CACNA1E: variants seen among roughly 807,000 people sequenced by gnomAD.
The protein encoded by CACNA1E is voltage-dependent R-type calcium channel subunit alpha-1E.
Under a neutral mutation model 259.2 loss-of-function variants are expected in CACNA1E, and 40 were observed. The observed-to-expected ratio is 0.15, with a 90% CI of 0.12 to 0.20. The LOEUF is 0.20. Ranked by LOEUF, CACNA1E falls within the 10% of genes least tolerant of loss-of-function variation. The pLI, the probability that CACNA1E is intolerant of heterozygous loss-of-function variation, is 1.00. For missense variants in CACNA1E, 1,874 were observed against 3,040.1 expected, an observed-to-expected ratio of 0.62 and a Z score of 9.02; for synonymous variants, 1,104 against 1,138.5, an observed-to-expected ratio of 0.97 and a Z score of 0.61.
At chr1:181,763,040 G>A (rs1658720747) in intron 33 of CACNA1E, among the ~76,000 whole-genome samples, 1 of 152,214 alleles carries the variant, frequency 6.6e-6, no homozygotes, top group South Asian at 2.1e-4. Context: ...GACTTGGAGA[G>A]CTCAGGGTAA....
At chr1:181,603,918 G>C (rs1653979801) in intron 6 of CACNA1E, among the ~76,000 whole-genome samples, 1 of 152,186 alleles carries the variant, frequency 6.6e-6, no homozygotes. Context: ...CTGCCGCCGA[G>C]CTGCTCACTT....
intron 32 of CACNA1E, among the ~76,000 whole-genome samples, chr1:181,761,862 A>G (rs1001951464): frequency 3.9e-5 from 6 of 152,168 alleles, no homozygotes. Flanking sequence ...CAGGCTCTTT[A>G]TATCTCCTTC....
intron 32 of CACNA1E, among the ~76,000 whole-genome samples, chr1:181,760,148 T>C (rs567866087): frequency 1.7e-3 from 260 of 152,380 alleles, no homozygotes; most frequent in African/African-American, 6.1e-3. Flanking sequence ...GTATGTGGTA[T>C]TGACATTGTC....
Position 181,638,801 on chromosome 1 carries a change from C to T in CACNA1E, c.952-12537C>T, listed in dbSNP as rs141512823. Among the ~76,000 whole-genome samples the T allele has an allele frequency of 2.9e-3, 439 of 152,242 alleles. 3 individuals are homozygous for T. The highest frequency in any genetic ancestry group is 0.01 in the African/African-American group (417 of 41,550). Reference sequence around the variant, plus strand: ...TGGTTTTATAAGTGTTTGGTAGTTCCTCCTGCATTCATTCTCCATCCTCCC... The same window carrying T: ...TGGTTTTATAAGTGTTTGGTAGTTCTTCCTGCATTCATTCTCCATCCTCCC... On this transcript the variant is annotated intron_variant, in intron 6 of 47. Coordinates refer to ENST00000367573, the MANE Select transcript of CACNA1E (RefSeq NM_001205293.3).
chr1:181,718,776 C>T (rs572985856), intron 12 of CACNA1E, among the ~76,000 whole-genome samples: 5 of 152,194 alleles, frequency 3.3e-5, no homozygotes, highest in East Asian at 1.9e-4. Flanking sequence ...GGTGCTTTCA[C>T]GTATCTTTTA....
chr1:181,795,444 AT>A (rs11306687), intron 46 of CACNA1E, among the ~76,000 whole-genome samples: 63,963 of 146,644 alleles, frequency 0.44, 15,054 homozygotes, highest in African/African-American at 0.66. Flanking sequence ...CTGTGTTTGA[AT>A]TTTTTTTTTT....
intron 3 of CACNA1E, among the ~76,000 whole-genome samples, chr1:181,567,958 T>C (rs1650014886): frequency 1.3e-5 from 2 of 149,636 alleles, no homozygotes; most frequent in South Asian, 2.1e-4. Context: ...TATACACACA[T>C]ATATATACAC....
At chr1:181,647,834 A>G (rs1658427301) in intron 6 of CACNA1E, among the ~76,000 whole-genome samples, 1 of 152,190 alleles carries the variant, frequency 6.6e-6, no homozygotes, top group Non-Finnish European at 1.5e-5. Flanking sequence ...GTGGACAAAC[A>G]TGCAAGGGGA....
At chr1:181,693,552 G>A (rs1419321053) in intron 7 of CACNA1E, among the ~76,000 whole-genome samples, 2 of 152,160 alleles carry the variant, frequency 1.3e-5, no homozygotes, top group Non-Finnish European at 2.9e-5. Context: ...ATTAATGCAG[G>A]AACAGAAAAC....
At chr1:181,334,203 C>T (rs1651508395) in intron 1 of CACNA1E, among the ~76,000 whole-genome samples, 1 of 152,166 alleles carries the variant, frequency 6.6e-6, no homozygotes, top group African/African-American at 2.4e-5. Context: ...CTTCATCTGG[C>T]TTTCAGGACA....
rs945848274 is a variant in CACNA1E, at chr1:181,744,383, G to A, written c.3719+5130G>A. 6.6e-5 allele frequency among the ~76,000 whole-genome samples: 10 copies of A among 152,218 alleles called. No individual in the cohort carries two copies. In the East Asian group the frequency reaches 1.9e-3, roughly 29 times the overall value. On this transcript the variant is annotated intron_variant, in intron 25 of 47. Transcript: ENST00000367573. ...TGTAACCCCAACGAGTCGGGAGGCTGAGGTGGGAGGATTGTTTAAGGCTGG... is the reference window on the plus strand; with the variant it reads ...TGTAACCCCAACGAGTCGGGAGGCTAAGGTGGGAGGATTGTTTAAGGCTGG...
intron 1 of CACNA1E, among the ~76,000 whole-genome samples, chr1:181,401,369 A>C (rs1053255651): frequency 6.6e-6 from 1 of 152,182 alleles, no homozygotes; most frequent in Middle Eastern, 3.2e-3. Flanking sequence ...CCTCCCAGAG[A>C]ACCTTATTTG....
intron 3 of CACNA1E, among the ~76,000 whole-genome samples, chr1:181,561,907 ATTG>A (rs899887531): frequency 6.6e-6 from 1 of 152,018 alleles, no homozygotes; most frequent in African/African-American, 2.4e-5. Flanking sequence ...CAGGCTTTTT[ATTG>A]TTTTGGTTTG....
chr1:181,373,282 G>A (rs1654834857), intron 1 of CACNA1E, among the ~76,000 whole-genome samples: 1 of 152,098 alleles, frequency 6.6e-6, no homozygotes, highest in African/African-American at 2.4e-5. Context: ...TTTCTGGTTG[G>A]TAGGTTTTTA....
intron 6 of CACNA1E, among the ~76,000 whole-genome samples, chr1:181,616,056 A>C (rs1433502379): frequency 6.6e-6 from 1 of 152,130 alleles, no homozygotes. Flanking sequence ...GCAACCTTGG[A>C]GTGACATCAC....
At chr1:181,761,369 A>C (rs1002382433) in intron 32 of CACNA1E, among the ~76,000 whole-genome samples, 2 of 152,150 alleles carry the variant, frequency 1.3e-5, no homozygotes, top group Admixed American at 1.3e-4. Context: ...GATATTTTTC[A>C]ATCCCTGCCT....
At chr1:181,511,273 C>G in intron 2 of CACNA1E, 98 bp from the exon 3 acceptor site, 1 of 1,415,682 alleles carries the variant, frequency 7.1e-7, no homozygotes, top group African/African-American at 1.4e-5. Flanking sequence ...TGGGCAGGCC[C>G]AGCACAGACA....
At chr1:181,505,093 T>C (rs1381530630) in intron 1 of CACNA1E, among the ~76,000 whole-genome samples, 1 of 152,238 alleles carries the variant, frequency 6.6e-6, no homozygotes, top group Non-Finnish European at 1.5e-5. Context: ...CTTCATTCTC[T>C]TGCATTTAAT....
chr1:181,392,305 A>G (rs1656356624), intron 1 of CACNA1E, among the ~76,000 whole-genome samples: 1 of 152,234 alleles, frequency 6.6e-6, no homozygotes, highest in African/African-American at 2.4e-5. Flanking sequence ...CCTTTCATTC[A>G]ATTCCTATCA....
Sources: gnomAD v4.1 joint callset for allele counts (sites outside exome capture counted in the v4.1 genomes callset) on GRCh38, gnomAD v4.1.1 for gene constraint, MANE v1.5 for transcripts, NCBI Gene and HGNC (gene_info 2026-07-23, HGNC 2026-07-21) for gene names.